MSH3: variants seen among roughly 807,000 people sequenced by gnomAD.
MSH3 encodes the protein mutS homolog 3, also known as DNA mismatch repair protein Msh3.
Under a neutral mutation model 123.3 loss-of-function variants are expected in MSH3, and 106 were observed. The ratio of observed to expected loss-of-function variants is 0.86; its 90% CI spans 0.73 to 1.01. MSH3 has a LOEUF of 1.01. Among genes scored for constraint, MSH3 ranks in the 50% least tolerant of loss-of-function variants. MSH3 has a pLI of 0.00. For synonymous variants in MSH3, 515 were observed against 481.4 expected (o/e 1.07, Z -0.91); for missense variants, 1,459 against 1,347.6 (o/e 1.08, Z -1.29).
chr5:80,744,879 G>A (rs1272111643), intron 12 of MSH3, among the ~76,000 whole-genome samples: 3 of 151,352 alleles, frequency 2.0e-5, no homozygotes, highest in African/African-American at 7.3e-5. Context: ...GGAGGGTTTT[G>A]AAGGCTAGAC....
chr5:80,753,633 A>G (rs960774563), intron 12 of MSH3, among the ~76,000 whole-genome samples: 2 of 152,230 alleles, frequency 1.3e-5, no homozygotes, highest in African/African-American at 2.4e-5. Flanking sequence ...AGCTGTTAAC[A>G]CAAAGACCCC....
At chr5:80,694,250 A>G (rs555069983) in intron 8 of MSH3, among the ~76,000 whole-genome samples, 11 of 152,204 alleles carry the variant, frequency 7.2e-5, no homozygotes, top group African/African-American at 2.7e-4. Flanking sequence ...CTGAAAAGAT[A>G]TCCTATAAAT....
chr5:80,752,420 T>TA (rs943066570), intron 12 of MSH3, among the ~76,000 whole-genome samples: 2 of 152,148 alleles, frequency 1.3e-5, no homozygotes, highest in Non-Finnish European at 2.9e-5. Flanking sequence ...TAGAGATAGT[T>TA]ATTCTGTTTT....
chr5:80,714,130 CTTTTTTTTTTTTT>C (rs34918629), intron 8 of MSH3, among the ~76,000 whole-genome samples: 4 of 85,820 alleles, frequency 4.7e-5, no homozygotes, highest in South Asian at 4.1e-4. Context: ...TTCAAATAGA[CTTTTTTTTTTTTT>C]TTTTTTTTTT....
At chr5:80,761,874 TAA>T (rs1744041924) in intron 13 of MSH3, among the ~76,000 whole-genome samples, 196 bp downstream of exon 13, 2 of 152,110 alleles carry the variant, frequency 1.3e-5, no homozygotes, top group Admixed American at 6.5e-5. Flanking sequence ...TTGTAGAAAA[TAA>T]AGTTTTCTCA....
chr5:80,746,427 C>A, intron 12 of MSH3: 1 of 445,112 alleles, frequency 2.2e-6, no homozygotes, highest in South Asian at 1.7e-5. Flanking sequence ...TCTTGCGAAT[C>A]TTCTCAGGAC....
intron 11 of MSH3, among the ~76,000 whole-genome samples, chr5:80,742,766 T>C (rs1743639903): frequency 6.6e-6 from 1 of 152,178 alleles, no homozygotes; most frequent in South Asian, 2.1e-4. Context: ...TCTGTAGCCA[T>C]CTCCATGATA....
chr5:80,748,850 G>A (rs1034499774), intron 12 of MSH3, among the ~76,000 whole-genome samples: 1 of 151,926 alleles, frequency 6.6e-6, no homozygotes, highest in Non-Finnish European at 1.5e-5. Context: ...AGACTCATTG[G>A]TGGGTTATGT....
Position 80,720,128 on chromosome 5 carries a change from CT to C in MSH3, c.1341-5324del, listed in dbSNP as rs1265366962. 2.0e-5 allele frequency among the ~76,000 whole-genome samples: 3 copies of C among 151,958 alleles called. No homozygotes were observed. The East Asian group carries it at 5.8e-4, about 29-fold the overall frequency. ...CTTTGAGTATCTTAAATACATTACT[CT>C]ATTGTCTGTAGGGTAAAACATTGCG... is the stretch of plus-strand genomic sequence containing the variant. On this transcript the variant is annotated intron_variant, in intron 8 of 23. Coordinates refer to ENST00000265081, the MANE Select transcript of MSH3 (RefSeq NM_002439.5).
chr5:80,858,746 G>A (rs112498005), intron 21 of MSH3, among the ~76,000 whole-genome samples: 1 of 152,098 alleles, frequency 6.6e-6, no homozygotes, highest in African/African-American at 2.4e-5. Flanking sequence ...GTTGAGTTCA[G>A]CTGTGTCCTT....
At chr5:80,792,684 T>A (rs1421877010) in intron 18 of MSH3, 49 bp from the exon 19 acceptor site, 9 of 1,143,706 alleles carry the variant, frequency 7.9e-6, no homozygotes, top group Non-Finnish European at 1.2e-5. Context: ...GTTTTTTTTT[T>A]AAGGCTATTT....
rs139355932 is a variant in MSH3 at position 80,739,196 on chromosome 5, G to C, written c.1569-2268G>C. Among the ~76,000 whole-genome samples the C allele has an allele frequency of 1.9e-3, 297 of 152,308 alleles. 1 individual carries two copies. The highest frequency in any genetic ancestry group is 6.2e-3 in the South Asian group (30 of 4,832). On this transcript the variant is annotated intron_variant, in intron 10 of 23. Transcript: ENST00000265081. Reference sequence around the variant, plus strand: ...AGTTAAACCTAATTGTCAGAACAGCGGAAGTAAGGACTCATATCTAAACAC... The same window carrying C: ...AGTTAAACCTAATTGTCAGAACAGCCGAAGTAAGGACTCATATCTAAACAC...
rs1007423286 is a variant in MSH3 at position 80,675,859 on chromosome 5, C to T, written c.1173+731C>T. Among the ~76,000 whole-genome samples the T allele has an allele frequency of 2.6e-5, 4 of 152,080 alleles. No homozygotes were observed. The East Asian group carries it at 7.7e-4, about 29-fold the overall frequency. ...TGGTGGCAAAGTGTTCTATAAATTTCCTCTAGGGATTTGAAATTAAACATG... is the reference window on the plus strand; with the variant it reads ...TGGTGGCAAAGTGTTCTATAAATTTTCTCTAGGGATTTGAAATTAAACATG... On this transcript the variant is annotated intron_variant, in intron 7 of 23. Coordinates refer to ENST00000265081, the MANE Select transcript of MSH3 (RefSeq NM_002439.5).
At chr5:80,693,578 C>T (rs906156707) in intron 8 of MSH3, among the ~76,000 whole-genome samples, 2 of 123,150 alleles carry the variant, frequency 1.6e-5, no homozygotes, top group African/African-American at 6.4e-5. Context: ...TATATATGCA[C>T]ATGTATATAA....
At chr5:80,723,409 A>G (rs1751129459) in intron 8 of MSH3, among the ~76,000 whole-genome samples, 1 of 152,208 alleles carries the variant, frequency 6.6e-6, no homozygotes, top group Admixed American at 6.5e-5. Context: ...GGACGTATGG[A>G]ATGCTAATTG....
chr5:80,713,777 G>A (rs1050909693), intron 8 of MSH3, among the ~76,000 whole-genome samples: 2 of 122,510 alleles, frequency 1.6e-5, no homozygotes, highest in African/African-American at 6.7e-5. Flanking sequence ...TACCGGTATT[G>A]TTCTTGTCGC....
chr5:80,751,437 A>G (rs1394831041), intron 12 of MSH3, among the ~76,000 whole-genome samples: 1 of 152,160 alleles, frequency 6.6e-6, no homozygotes, highest in Non-Finnish European at 1.5e-5. Context: ...TCTATGTGAT[A>G]AATTTTGCTG....
At chr5:80,846,980 TC>T (rs1011682927) in intron 20 of MSH3, among the ~76,000 whole-genome samples, 74 of 152,002 alleles carry the variant, frequency 4.9e-4, no homozygotes, top group African/African-American at 1.8e-3. Context: ...AATGCAGAAA[TC>T]ACATATCTTC....
chr5:80,725,599 C>G, intron 9 of MSH3, 34 bp downstream of exon 9: 1 of 1,429,756 alleles, frequency 7.0e-7, no homozygotes, highest in Non-Finnish European at 9.9e-7. Context: ...TCAAGTTGAA[C>G]TGATTTGAAA....
Sources: gnomAD v4.1 joint callset for allele counts (sites outside exome capture counted in the v4.1 genomes callset) on GRCh38, gnomAD v4.1.1 for gene constraint, MANE v1.5 for transcripts, NCBI Gene and HGNC (gene_info 2026-07-23, HGNC 2026-07-21) for gene names.